Variants in HDGFL3 observed in about 807,000 individuals in gnomAD.
HDGFL3 encodes the protein HDGF like 3.
Under a neutral mutation model 27.6 loss-of-function variants are expected in HDGFL3, and 6 were observed. The observed-to-expected ratio is 0.22, with a 90% CI of 0.12 to 0.43. HDGFL3 has a LOEUF of 0.43. Among genes scored for constraint, HDGFL3 ranks in the 20% least tolerant of loss-of-function variants. The probability of loss-of-function intolerance (pLI) is 1.00; values close to 1 mark genes in which losing one functional copy is unlikely to be tolerated. For synonymous variants in HDGFL3, 88 were observed against 88.9 expected, an observed-to-expected ratio of 0.99 and a Z score of 0.05; for missense variants, 207 against 250.1, an observed-to-expected ratio of 0.83 and a Z score of 1.16.
In HDGFL3 at chr15:83,133,227, AAC is replaced by A. The variant is rs1457841505; in HGVS notation, c.*6041_*6042del. 6.6e-6 allele frequency: 1 copy of A among 152,264 alleles called. No individual in the cohort carries two copies. Among genetic ancestry groups the A allele is most frequent in the Non-Finnish European group, 1.5e-5 (1 of 68,044 alleles). The allele number at this position is 152,264 out of a possible 1,614,324, so 9.4% of individuals were successfully genotyped here. ...TGCTCAGAAAACTCTAAGAAAAGAT[AAC>A]ACAGTTCTAGATTAGCTATTTATAC... On this transcript the variant is annotated 3_prime_UTR_variant, in exon 6 of 6. Transcript: ENST00000299633.
At chr15:83,121,283 T>C (rs1189674380) in intron 3 of HDGFL3, among the ~76,000 whole-genome samples, 1 of 151,386 alleles carries the variant, frequency 6.6e-6, no homozygotes, top group African/African-American at 2.4e-5. Context: ...CGTTTCACCA[T>C]GTTGGCCAGG....
intron 2 of HDGFL3, among the ~76,000 whole-genome samples, chr15:83,161,161 C>G (rs1412136869): frequency 2.6e-5 from 4 of 152,196 alleles, no homozygotes; most frequent in Admixed American, 1.3e-4. Context: ...GTGGGCTAAG[C>G]TGCCTGGTAT....
chr15:83,122,471 A>G (rs1380178780), intron 3 of HDGFL3, among the ~76,000 whole-genome samples: 1 of 152,144 alleles, frequency 6.6e-6, no homozygotes, highest in Non-Finnish European at 1.5e-5. Flanking sequence ...ATCTAGATGT[A>G]TTTTTTGAGA....
chr15:83,151,090 A>AT (rs1215982123), intron 5 of HDGFL3, 125 bp downstream of exon 5: 1 of 875,170 alleles, frequency 1.1e-6, no homozygotes, highest in East Asian at 2.5e-5. Context: ...GTGGATGCAT[A>AT]TAATAGGCTG....
chr15:83,132,272 C>T lies in HDGFL3; in HGVS notation c.*6998G>A, dbSNP rs1596528775. The T allele has an allele frequency of 6.6e-6, 1 of 152,128 alleles. No individual in the cohort carries two copies. The highest frequency in any genetic ancestry group is 1.5e-5 in the Non-Finnish European group (1 of 68,042). 9.4% of individuals were successfully genotyped at this position (152,128 alleles called of 1,614,324 possible). On this transcript the variant is annotated 3_prime_UTR_variant, in exon 6 of 6. Transcript: ENST00000299633. Reference sequence around the variant, plus strand: ...TTTGGAGATATGCCTTATGTTGTTCCGAAGATTAACCTGAAGACAAACTAA... The same window carrying T: ...TTTGGAGATATGCCTTATGTTGTTCTGAAGATTAACCTGAAGACAAACTAA...
intron 5 of HDGFL3, among the ~76,000 whole-genome samples, chr15:83,148,190 G>C (rs2036922494): frequency 6.6e-6 from 1 of 152,098 alleles, no homozygotes; most frequent in Non-Finnish European, 1.5e-5. Context: ...AAATAATTTG[G>C]CATTATCTTG....
In HDGFL3 at chr15:83,201,755, G is replaced by T. The variant is rs186073169; in HGVS notation, c.84+5576C>A. On this transcript the variant is annotated intron_variant, in intron 1 of 5. Transcript: ENST00000299633. ...CCAAAGGGGATGTGCCAGGAATAGAGACTCATCTGGTTGAAACGGGAGCAT... is the reference window on the plus strand; with the variant it reads ...CCAAAGGGGATGTGCCAGGAATAGATACTCATCTGGTTGAAACGGGAGCAT... 4.5e-3 allele frequency among the ~76,000 whole-genome samples: 682 copies of T among 152,258 alleles called. 2 individuals are homozygous for T. Among genetic ancestry groups the T allele is most frequent in the Non-Finnish European group, 7.3e-3 (497 of 68,014 alleles).
chr15:83,203,514 C>A (rs1009880623), intron 1 of HDGFL3, among the ~76,000 whole-genome samples: 1 of 151,862 alleles, frequency 6.6e-6, no homozygotes, highest in Non-Finnish European at 1.5e-5. Context: ...AAGAAAGATT[C>A]CTACACAAAA....
rs772250626 is a variant in HDGFL3 at position 83,144,344 on chromosome 15, A to G, written c.607-5069T>C. On this transcript the variant is annotated intron_variant, in intron 5 of 5. Coordinates refer to ENST00000299633, the MANE Select transcript of HDGFL3 (RefSeq NM_016073.4). ...TGATTCCTGCCTCCGGTATCTCTAC[A>G]TCACATTCTTGTGTAATCACCGCCC... Among the ~76,000 whole-genome samples, 216 of 152,186 alleles carry G rather than the reference A, an allele frequency of 1.4e-3. 1 individual carries two copies. Among genetic ancestry groups the G allele is most frequent in the Non-Finnish European group, 1.6e-3 (111 of 68,042 alleles).
chr15:83,174,081 T>G (rs2037279474), intron 1 of HDGFL3, among the ~76,000 whole-genome samples: 1 of 152,230 alleles, frequency 6.6e-6, no homozygotes, highest in Non-Finnish European at 1.5e-5. Context: ...ATTGTGATAC[T>G]GAAGGTATCA....
chr15:83,190,493 T>C (rs2037498803), intron 1 of HDGFL3, among the ~76,000 whole-genome samples: 1 of 152,230 alleles, frequency 6.6e-6, no homozygotes. Context: ...CTTTTAATTT[T>C]TGGCAGTCTC....
chr15:83,122,324 T>C (rs960261864), intron 3 of HDGFL3, among the ~76,000 whole-genome samples: 2 of 152,128 alleles, frequency 1.3e-5, no homozygotes, highest in African/African-American at 4.8e-5. Flanking sequence ...TGACACACTA[T>C]GAGAACTCCA....
chr15:83,122,815 T>G (rs757807980), downstream of HDGFL3: 1 of 1,614,108 alleles, frequency 6.2e-7, no homozygotes, highest in Non-Finnish European at 8.5e-7. Context: ...ATACTTGTCT[T>G]CCTGTCTGGG....
exon 4 of HDGFL3, chr15:83,113,489 A>G (rs2034381731): frequency 6.5e-6 from 1 of 152,926 alleles, no homozygotes; most frequent in African/African-American, 2.4e-5. Flanking sequence ...ATGCCCTTCC[A>G]TCATGCATGC....
rs538238662 is a variant in HDGFL3, at chr15:83,192,281, G to A, written c.84+15050C>T. 5.9e-5 allele frequency: 27 copies of A among 455,204 alleles called. No individual in the cohort carries two copies. The East Asian group carries it at 1.7e-3, about 29-fold the overall frequency. 28.2% of individuals were successfully genotyped at this position (455,204 alleles called of 1,614,324 possible). A position where few individuals can be genotyped will look rare whatever the true frequency, so the allele number is the denominator to read the frequency against. On this transcript the variant is annotated intron_variant, in intron 1 of 5. Coordinates refer to ENST00000299633, the MANE Select transcript of HDGFL3 (RefSeq NM_016073.4). ...TTCTAAGGATACAGATATGAAGACA[G>A]TTTTGACTTTCTGCCAAAAGTTCCA... is the stretch of plus-strand genomic sequence containing the variant.
chr15:83,144,492 A>C (rs766807754), intron 5 of HDGFL3: 4 of 455,966 alleles, frequency 8.8e-6, no homozygotes, highest in African/African-American at 2.0e-5. Flanking sequence ...ACTCTCTCTT[A>C]CTGACACTTT....
intron 1 of HDGFL3, among the ~76,000 whole-genome samples, chr15:83,177,519 T>A (rs1183375432): frequency 1.3e-5 from 2 of 152,354 alleles, no homozygotes; most frequent in Admixed American, 1.3e-4. Flanking sequence ...TGACACACTT[T>A]TAAAAAATTT....
intron 1 of HDGFL3, among the ~76,000 whole-genome samples, chr15:83,192,971 C>A (rs2037529908): frequency 6.6e-6 from 1 of 152,224 alleles, no homozygotes. Flanking sequence ...AACTTCCTCT[C>A]CTGTTCTATT....
intron 1 of HDGFL3, among the ~76,000 whole-genome samples, chr15:83,167,522 C>T (rs1358584247): frequency 6.6e-6 from 1 of 150,672 alleles, no homozygotes; most frequent in East Asian, 2.0e-4. Context: ...TGCACCACTG[C>T]ACCTCCAGGC....
Sources: gnomAD v4.1 joint callset for allele counts (sites outside exome capture counted in the v4.1 genomes callset) on GRCh38, gnomAD v4.1.1 for gene constraint, MANE v1.5 for transcripts, NCBI Gene and HGNC (gene_info 2026-07-23, HGNC 2026-07-21) for gene names.